Variants in ASAP2 observed in about 807,000 individuals in gnomAD.
The protein encoded by ASAP2 is arf-GAP with SH3 domain, ANK repeat and PH domain-containing protein 2.
A neutral mutation model predicts 131.4 loss-of-function variants in ASAP2; 45 were observed. The observed-to-expected ratio is 0.34, with a 90% CI of 0.27 to 0.44. The LOEUF (loss-of-function observed/expected upper bound fraction) is 0.44, where lower values mean the gene tolerates loss of function less well. ASAP2 is among the 20% of genes least tolerant of loss of function. The probability of loss-of-function intolerance (pLI) is 1.00; values close to 1 mark genes in which losing one functional copy is unlikely to be tolerated. For missense variants in ASAP2, 1,011 were observed against 1,297.0 expected, an observed-to-expected ratio of 0.78 and a Z score of 3.39; for synonymous variants, 510 against 503.0, an observed-to-expected ratio of 1.01 and a Z score of -0.19.
At chr2:9,344,823 TG>T (rs1671853181) in intron 11 of ASAP2, 23 bp downstream of exon 11, 1 of 1,599,598 alleles carries the variant, frequency 6.3e-7, no homozygotes, top group Non-Finnish European at 8.6e-7. Context: ...TTTTAATCCA[TG>T]GTGTCTGCTG....
intron 6 of ASAP2, among the ~76,000 whole-genome samples, chr2:9,326,833 C>G (rs1374130027): frequency 6.6e-6 from 1 of 152,144 alleles, no homozygotes; most frequent in African/African-American, 2.4e-5. Flanking sequence ...CCATTGTTTA[C>G]TTTTATAAAC....
In ASAP2 at chr2:9,335,087, T is replaced by C. The variant is rs767807751; in HGVS notation, c.763-6T>C. ...TTGGTTCTGTTGTGTGTGTGTGTTT[T>C]TAAAGATCAAACAGGCCCAGGATGA... is the stretch of plus-strand genomic sequence containing the variant. On this transcript the variant is annotated splice_region_variant and splice_polypyrimidine_tract_variant and intron_variant, in intron 8 of 27. Coordinates refer to ENST00000281419, the MANE Select transcript of ASAP2 (RefSeq NM_003887.3). 8.1e-6 allele frequency: 13 copies of C among 1,613,798 alleles called. No homozygotes were observed. Among genetic ancestry groups the C allele is most frequent in the Non-Finnish European group, 1.0e-5 (12 of 1,179,714 alleles).
intron 1 of ASAP2, among the ~76,000 whole-genome samples, chr2:9,274,340 T>TG (rs1666609553): frequency 7.2e-6 from 1 of 138,542 alleles, no homozygotes; most frequent in African/African-American, 2.7e-5. Flanking sequence ...TTTTTTTTTT[T>TG]GAGACAGAGT....
intron 11 of ASAP2, among the ~76,000 whole-genome samples, chr2:9,347,561 C>G (rs1370051782): frequency 6.6e-6 from 1 of 152,142 alleles, no homozygotes; most frequent in Admixed American, 6.5e-5. Context: ...TAGGAAAACC[C>G]TTCCCAGGAA....
intron 12 of ASAP2, among the ~76,000 whole-genome samples, chr2:9,354,388 CAT>C (rs1023238495): frequency 4.1e-4 from 63 of 152,338 alleles, no homozygotes; most frequent in African/African-American, 1.5e-3. Flanking sequence ...TTATTTGTAG[CAT>C]CTTTAAAGAG....
In ASAP2 at chr2:9,403,336, T is replaced by C; in HGVS notation, c.*9T>C. On this transcript the variant is annotated 3_prime_UTR_variant, in exon 28 of 28. Transcript: ENST00000281419. ...ACTTTATCGCTGACTGAATTGCTAC[T>C]GAACAAAAGCATTAACAGTTATGTT... 1 of 1,613,260 alleles carries C rather than the reference T, an allele frequency of 6.2e-7. No individual in the cohort carries two copies. The highest frequency in any genetic ancestry group is 8.5e-7 in the Non-Finnish European group (1 of 1,179,324).
intron 2 of ASAP2, among the ~76,000 whole-genome samples, chr2:9,293,966 A>AAG (rs1423916471): frequency 6.6e-6 from 1 of 151,992 alleles, no homozygotes; most frequent in African/African-American, 2.4e-5. Context: ...GGGGATCAAT[A>AAG]CATCGTTTAG....
In ASAP2 at chr2:9,207,733, T is replaced by G. The variant is rs1189772163; in HGVS notation, c.126+503T>G. Among the ~76,000 whole-genome samples the G allele has an allele frequency of 6.6e-6, 1 of 151,842 alleles. No individual in the cohort carries two copies. The highest frequency in any genetic ancestry group is 6.5e-5 in the Admixed American group (1 of 15,272). On this transcript the variant is annotated intron_variant, in intron 1 of 27. Coordinates refer to ENST00000281419, the MANE Select transcript of ASAP2 (RefSeq NM_003887.3). This position sits in a 1 kb window ranked among gnomAD's most constrained non-coding sequence, Gnocchi z 4.1. The stretch of plus-strand genomic sequence containing the variant: ...GCATCCCGGGCTGCCCGGGAAGGCG[T>G]GCCCGCCTCAGCCAGGGCGGCCTGG...
rs1669333057 is a variant in ASAP2 at position 9,311,971 on chromosome 2, C to T, written c.346-6553C>T. ...CTGGAAGCTTTATTAGTGAAGCCAT[C>T]GATGGGGATTCTATTTATATTTGTG... On this transcript the variant is annotated intron_variant, in intron 3 of 27. Transcript: ENST00000281419. This position sits in a 1 kb window ranked among gnomAD's most constrained non-coding sequence, Gnocchi z 5.2. Among the ~76,000 whole-genome samples the T allele has an allele frequency of 6.6e-6, 1 of 152,158 alleles. No homozygotes were observed. Among genetic ancestry groups the T allele is most frequent in the Non-Finnish European group, 1.5e-5 (1 of 68,032 alleles).
intron 7 of ASAP2, among the ~76,000 whole-genome samples, chr2:9,333,481 G>C (rs556532988): frequency 6.6e-6 from 1 of 152,170 alleles, no homozygotes; most frequent in Admixed American, 6.5e-5. Context: ...CTCACTAACC[G>C]GGGATGTTTA....
chr2:9,387,213 C>CAAA (rs60187435), intron 21 of ASAP2, among the ~76,000 whole-genome samples: 1 of 95,278 alleles, frequency 1.0e-5, no homozygotes, highest in Non-Finnish European at 2.0e-5. Flanking sequence ...GACTCTGTCT[C>CAAA]AAAAAAAAAA....
intron 2 of ASAP2, among the ~76,000 whole-genome samples, chr2:9,287,781 G>A (rs754949147): frequency 4.1e-5 from 4 of 98,596 alleles, no homozygotes; most frequent in East Asian, 2.1e-4. Context: ...CCTTCTCCCC[G>A]CTGCTGGCTA....
intron 15 of ASAP2, among the ~76,000 whole-genome samples, chr2:9,363,860 C>T (rs1041887783): frequency 6.6e-6 from 1 of 152,180 alleles, no homozygotes; most frequent in Non-Finnish European, 1.5e-5. Flanking sequence ...AGGCATGAAC[C>T]GCCTGCAGCC....
At chr2:9,341,123 T>G (rs151136042) in intron 9 of ASAP2, among the ~76,000 whole-genome samples, 7 of 152,298 alleles carry the variant, frequency 4.6e-5, no homozygotes, top group African/African-American at 1.2e-4. Flanking sequence ...ACTTTTTATG[T>G]TATTCTTCTC....
intron 11 of ASAP2, 125 bp downstream of exon 11, chr2:9,344,925 G>T (rs1481923101): frequency 2.8e-6 from 2 of 719,510 alleles, no homozygotes; most frequent in African/African-American, 3.6e-5. Context: ...GTGTCTTAGA[G>T]AATTTCCCTG....
chr2:9,390,923 G>A (rs1391280775), intron 22 of ASAP2, 139 bp from the exon 23 acceptor site: 3 of 1,276,636 alleles, frequency 2.3e-6, no homozygotes, highest in African/African-American at 2.9e-5. Flanking sequence ...TAAAAGCATT[G>A]AGGGTTCTAG....
chr2:9,260,521 G>A (rs548136104), intron 1 of ASAP2, among the ~76,000 whole-genome samples: 57 of 152,314 alleles, frequency 3.7e-4, no homozygotes, highest in Non-Finnish European at 6.6e-4. Flanking sequence ...AGAGGGGCAC[G>A]GGGCTGGCCA....
chr2:9,270,857 A>G (rs548377226), intron 1 of ASAP2, among the ~76,000 whole-genome samples: 2 of 126,864 alleles, frequency 1.6e-5, no homozygotes, highest in African/African-American at 6.1e-5. Flanking sequence ...CAGTGGCGCG[A>G]TCTCGGCTCA....
chr2:9,254,718 A>G (rs1220078000), intron 1 of ASAP2, among the ~76,000 whole-genome samples: 1 of 151,504 alleles, frequency 6.6e-6, no homozygotes, highest in Non-Finnish European at 1.5e-5. Context: ...AGAAAAAAAA[A>G]ACCCAGTATA....
Sources: allele counts gnomAD v4.1 joint callset (sites outside exome capture counted in the v4.1 genomes callset), GRCh38; gene constraint gnomAD v4.1.1; non-coding constraint Gnocchi (gnomAD v3.1); transcripts MANE v1.5; gene names NCBI Gene and HGNC (gene_info 2026-07-23, HGNC 2026-07-21).